The following ADAMTS5 variants were observed in gnomAD, a reference collection of about 807,000 sequenced individuals.
ADAMTS5 encodes the protein ADAM metallopeptidase with thrombospondin type 1 motif 5, also known as A disintegrin and metalloproteinase with thrombospondin motifs 5.
ADAMTS5 carries 54 observed loss-of-function variants against 81.4 expected under a neutral mutation model. That is an observed-to-expected ratio of 0.66 (90% confidence interval 0.53 to 0.83). ADAMTS5 has a LOEUF of 0.83. ADAMTS5 is among the 40% of genes least tolerant of loss of function. The probability of loss-of-function intolerance (pLI) is 0.00; values close to 1 mark genes in which losing one functional copy is unlikely to be tolerated. For synonymous variants in ADAMTS5, 532 were observed against 508.8 expected (o/e 1.05, Z -0.61); for missense variants, 1,194 against 1,229.9 (o/e 0.97, Z 0.44).
At chr21:26,940,882 T>G (rs541938133) in intron 3 of ADAMTS5, among the ~76,000 whole-genome samples, 1 of 152,252 alleles carries the variant, frequency 6.6e-6, no homozygotes, top group Admixed American at 6.5e-5. Context: ...TGGCCACACT[T>G]TCACTTACAT....
At chr21:26,929,835 A>G in intron 7 of ADAMTS5, 51 bp downstream of exon 7, 1 of 1,553,700 alleles carries the variant, frequency 6.4e-7, no homozygotes, top group Non-Finnish European at 8.8e-7. Flanking sequence ...ATTCTGCAAG[A>G]GTCTAAAGCT....
In ADAMTS5 at chr21:26,965,394, T is replaced by G; in HGVS notation, c.998A>C (p.Asn333Thr). The change falls in exon 1 of 8, where the codon AAC (asparagine) becomes ACC (threonine). Residue 333 changes from asparagine to threonine, a missense_variant. Physicochemically the swap from Asn to Thr is moderately conservative, Grantham distance 65. This residue lies in a region of ADAMTS5 where 696 missense variants were observed against 817.6 expected (regional missense o/e 0.85). Transcript: ENST00000284987. The stretch of plus-strand genomic sequence containing the variant: ...AAAGTTCTTGAGTGTGGTGGCAGCG[T>G]TCTTGCTCACTTCCAGGCTCTTGTC... ...DKDKSLEVSK[N>T]AATTLKNFCK... is the part of the protein sequence containing the mutation. The G allele has an allele frequency of 6.2e-7, 1 of 1,614,260 alleles. No homozygotes were observed. Among genetic ancestry groups the G allele is most frequent in the Non-Finnish European group, 8.5e-7 (1 of 1,180,036 alleles).
intron 6 of ADAMTS5, 36 bp from the exon 7 acceptor site, chr21:26,930,097 T>G: frequency 1.2e-6 from 2 of 1,604,710 alleles, no homozygotes; most frequent in Middle Eastern, 3.3e-4. Flanking sequence ...GTGGGAAATG[T>G]TTGCATCAGT....
At chr21:26,963,580 T>TTCTTGGCA (rs1421159045) in intron 1 of ADAMTS5, among the ~76,000 whole-genome samples, 2 of 129,754 alleles carry the variant, frequency 1.5e-5, no homozygotes, top group Non-Finnish European at 3.1e-5. Context: ...CAAAGCCTCC[T>TTCTTGGCA]TCTTGGCATC....
intron 4 of ADAMTS5, among the ~76,000 whole-genome samples, chr21:26,933,878 T>A (rs994657590): frequency 1.3e-5 from 2 of 152,166 alleles, no homozygotes; most frequent in Non-Finnish European, 2.9e-5. Flanking sequence ...GCAAATCTTG[T>A]GGGTTGAGAG....
At chr21:26,951,558 A>G (rs2123195916) in intron 2 of ADAMTS5, among the ~76,000 whole-genome samples, 1 of 151,830 alleles carries the variant, frequency 6.6e-6, no homozygotes, top group East Asian at 1.9e-4. Context: ...TGGTGCCTGT[A>G]ATCCCAGCTG....
At position 26,943,275 on chromosome 21, in the gene ADAMTS5, A is replaced by G. The variant is rs1987147921; in HGVS notation, c.1405+105T>C. Reference sequence around the variant, plus strand: ...TTCTTCTGACACTATCCACACAACTATTGTCTTAGAGGGCAAGATGAATAT... The same window carrying G: ...TTCTTCTGACACTATCCACACAACTGTTGTCTTAGAGGGCAAGATGAATAT... On this transcript the variant is annotated intron_variant, in intron 3 of 7. Coordinates refer to ENST00000284987, the MANE Select transcript of ADAMTS5 (RefSeq NM_007038.5). 1.5e-5 allele frequency: 17 copies of G among 1,152,830 alleles called. No individual in the cohort carries two copies. In the South Asian group the frequency reaches 2.7e-4, roughly 18 times the overall value. The allele number at this position is 1,152,830 out of a possible 1,614,324, so 71.4% of individuals were successfully genotyped here. A position where few individuals can be genotyped will look rare whatever the true frequency, so the allele number is the denominator to read the frequency against.
In ADAMTS5 at chr21:26,943,560, A is replaced by G; in HGVS notation, c.1238-13T>C. On this transcript the variant is annotated splice_polypyrimidine_tract_variant and intron_variant, in intron 2 of 7. Coordinates refer to ENST00000284987, the MANE Select transcript of ADAMTS5 (RefSeq NM_007038.5). ...CCAAGTAAATGTCCTAAGGGAGACA[A>G]CAGAGGAAGTACAAATAATCCGTGA... The G allele has an allele frequency of 6.2e-7, 1 of 1,606,138 alleles. No individual in the cohort carries two copies. The highest frequency in any genetic ancestry group is 8.5e-7 in the Non-Finnish European group (1 of 1,175,470).
chr21:26,932,601 T>G (rs922386860), intron 5 of ADAMTS5, among the ~76,000 whole-genome samples: 2 of 151,966 alleles, frequency 1.3e-5, no homozygotes, highest in African/African-American at 4.8e-5. Flanking sequence ...CTCAGGAAGC[T>G]GAGGCAGGAG....
chr21:26,923,945 T>G lies in ADAMTS5; in HGVS notation c.*108A>C, dbSNP rs1212880797. 1 of 1,187,268 alleles carries G rather than the reference T, an allele frequency of 8.4e-7. No individual in the cohort carries two copies. The highest frequency in any genetic ancestry group is 1.2e-6 in the Non-Finnish European group (1 of 865,694). The allele number at this position is 1,187,268 out of a possible 1,614,324, so 73.5% of individuals were successfully genotyped here. ...CCCATAATTGGACTCCTGTTGACAA[T>G]GTCACTGAAGCATGACTTTCTGTGC... is the stretch of plus-strand genomic sequence containing the variant. On this transcript the variant is annotated 3_prime_UTR_variant, in exon 8 of 8. Coordinates refer to ENST00000284987, the MANE Select transcript of ADAMTS5 (RefSeq NM_007038.5).
In ADAMTS5 at chr21:26,932,002, A is replaced by G; in HGVS notation, c.2049+2T>C. On this transcript the variant is annotated splice_donor_variant, in intron 6 of 7. Transcript: ENST00000284987. LOFTEE classifies it high-confidence loss of function. ...GCTTCTGGACAGTTGGTGTGTAGTT[A>G]CCTTTGGAGAAAATACCACATAGTA... 1.2e-6 allele frequency: 2 copies of G among 1,610,248 alleles called. No homozygotes were observed. The highest frequency in any genetic ancestry group is 1.7e-6 in the Non-Finnish European group (2 of 1,178,070).
chr21:26,934,474 A>G lies in ADAMTS5; in HGVS notation c.1681T>C (p.Tyr561His), dbSNP rs1168940947. The change falls in exon 4 of 8, where the codon TAT (tyrosine) becomes CAT (histidine). Residue 561 changes from tyrosine (Y) to histidine (H), a missense_variant. Tyr to His is a moderately conservative substitution (Grantham distance 83, BLOSUM62 2). This residue lies in a region of ADAMTS5 where 696 missense variants were observed against 817.6 expected (regional missense o/e 0.85). Coordinates refer to ENST00000284987, the MANE Select transcript of ADAMTS5 (RefSeq NM_007038.5). Reference sequence around the variant, plus strand: ...ATGAGAAAATCACTTACTGAATAATATTTTTTCTTGGTTTTGTCCACACAT... The same window carrying G: ...ATGAGAAAATCACTTACTGAATAATGTTTTTTCTTGGTTTTGTCCACACAT... ...GKCVDKTKKKYYSTSSHGNWG... is the reference protein window; with the variant it reads ...GKCVDKTKKKHYSTSSHGNWG... 5 of 1,614,002 alleles carry G rather than the reference A, an allele frequency of 3.1e-6. No homozygotes were observed. In the South Asian group the frequency reaches 5.5e-5, roughly 18 times the overall value.
At chr21:26,944,268 T>C (rs1341815101) in intron 2 of ADAMTS5, among the ~76,000 whole-genome samples, 3 of 152,126 alleles carry the variant, frequency 2.0e-5, no homozygotes, top group Non-Finnish European at 4.4e-5. Context: ...AAAATACCAA[T>C]AATATGGAGT....
Position 26,931,984 on chromosome 21 carries a change from G to T in ADAMTS5, c.2049+20C>A. On this transcript the variant is annotated intron_variant, in intron 6 of 7. Coordinates refer to ENST00000284987, the MANE Select transcript of ADAMTS5 (RefSeq NM_007038.5). ...TCCACCAGTACGCCTACTGCTTCTG[G>T]ACAGTTGGTGTGTAGTTACCTTTGG... The T allele has an allele frequency of 6.3e-7, 1 of 1,595,922 alleles. No homozygotes were observed. The highest frequency in any genetic ancestry group is 1.1e-5 in the South Asian group (1 of 87,884).
chr21:26,961,286 G>C (rs1987525591), intron 1 of ADAMTS5, among the ~76,000 whole-genome samples: 1 of 152,234 alleles, frequency 6.6e-6, no homozygotes, highest in African/African-American at 2.4e-5. Flanking sequence ...GCCATGGATA[G>C]TACATAAGAA....
chr21:26,926,895 C>G (rs928062066), intron 7 of ADAMTS5, among the ~76,000 whole-genome samples: 3 of 152,078 alleles, frequency 2.0e-5, no homozygotes, highest in African/African-American at 7.2e-5. Context: ...TTCCTTAGAG[C>G]TTATCTCATC....
chr21:26,966,263 G>T lies in ADAMTS5; in HGVS notation c.129C>A (p.Pro43=). 1.3e-6 allele frequency: 2 copies of T among 1,581,246 alleles called. No individual in the cohort carries two copies. Among genetic ancestry groups the T allele is most frequent in the Admixed American group, 3.6e-5 (2 of 56,232 alleles). The change falls in exon 1 of 8, where the codon CCC becomes CCA. Residue 43 remains proline, a synonymous_variant. Coordinates refer to ENST00000284987, the MANE Select transcript of ADAMTS5 (RefSeq NM_007038.5). ...GCACCTCCTCCCCCTGCCGCCGGCG[G>T]GGCTGGGCGGCTGCTGCAGCAGTCG... ...QPPTAAAAAQ[P]RRRQGEEVQE...
Position 26,932,015 on chromosome 21 carries a change from A to C in ADAMTS5, c.2038T>G (p.Phe680Val). The change falls in exon 6 of 8, where the codon TTT (phenylalanine) becomes GTT (valine). Residue 680 changes from phenylalanine to valine, a missense_variant. Phe to Val is a conservative substitution (Grantham distance 50). Transcript: ENST00000284987. ...RAKGTGYYVV[F>V]SPKVTDGTEC... is the part of the protein sequence containing the mutation. ...TGGTGTGTAGTTACCTTTGGAGAAA[A>C]TACCACATAGTAGCCAGTGCCCTTG... is the stretch of plus-strand genomic sequence containing the variant. 1.2e-6 allele frequency: 2 copies of C among 1,612,714 alleles called. No individual in the cohort carries two copies. Among genetic ancestry groups the C allele is most frequent in the Non-Finnish European group, 1.7e-6 (2 of 1,179,338 alleles).
rs779172994 is a variant in ADAMTS5 at position 26,966,212 on chromosome 21, G to C, written c.180C>G (p.His60Gln). 59 of 1,597,382 alleles carry C rather than the reference G, an allele frequency of 3.7e-5. 2 individuals carry two copies. The Middle Eastern group carries it at 5.0e-4, about 14-fold the overall frequency. Residue 60 changes from histidine (H) to glutamine (Q), a missense_variant, in exon 1 of 8, where the codon CAC (histidine) becomes CAG (glutamine). By Grantham distance (24) the His-to-Gln change is conservative (BLOSUM62 0). Transcript: ENST00000284987. ...TGCGCCGCTGCGCCAGGGGGTGCGGGTGGCCGGGAGGCTCGGCTCGCTCCT... is the reference window on the plus strand; with the variant it reads ...TGCGCCGCTGCGCCAGGGGGTGCGGCTGGCCGGGAGGCTCGGCTCGCTCCT... ...EVQERAEPPGHPHPLAQRRRS... is the reference protein window; with the variant it reads ...EVQERAEPPGQPHPLAQRRRS...
Sources: gnomAD v4.1 joint callset for allele counts (sites outside exome capture counted in the v4.1 genomes callset) on GRCh38, gnomAD v4.1.1 for gene constraint, gnomAD v4.1.1 regional missense constraint, MANE v1.5 for transcripts, NCBI Gene and HGNC (gene_info 2026-07-23, HGNC 2026-07-21) for gene names.